The following PLCG2 variants were observed in gnomAD, a reference collection of about 807,000 sequenced individuals.
PLCG2 encodes 1-phosphatidylinositol 4,5-bisphosphate phosphodiesterase gamma-2.
In PLCG2, 69 loss-of-function variants were observed where a neutral mutation model predicts 175.6. The ratio of observed to expected loss-of-function variants is 0.39; its 90% CI spans 0.32 to 0.48. The LOEUF (loss-of-function observed/expected upper bound fraction) is 0.48, where lower values mean the gene tolerates loss of function less well. Among genes scored for constraint, PLCG2 ranks in the 20% least tolerant of loss-of-function variants. The pLI, the probability that PLCG2 is intolerant of heterozygous loss-of-function variation, is 0.91. For synonymous variants in PLCG2, 827 were observed against 624.0 expected, an observed-to-expected ratio of 1.33 and a Z score of -4.85; for missense variants, 1,798 against 1,650.9, an observed-to-expected ratio of 1.09 and a Z score of -1.54.
intron 2 of PLCG2, among the ~76,000 whole-genome samples, chr16:81,850,594 A>C (rs1359729807): frequency 6.6e-6 from 1 of 152,200 alleles, no homozygotes; most frequent in African/African-American, 2.4e-5. Flanking sequence ...CAGGCATAAG[A>C]GAAGCAGCAC....
At chr16:81,802,056 A>G (rs1307265192) in intron 2 of PLCG2, among the ~76,000 whole-genome samples, 1 of 148,550 alleles carries the variant, frequency 6.7e-6, no homozygotes, top group Non-Finnish European at 1.5e-5. Flanking sequence ...GTCTGGAATG[A>G]AAAAACTAGA....
intron 7 of PLCG2, among the ~76,000 whole-genome samples, chr16:81,878,874 C>G (rs1339262517): frequency 6.6e-6 from 1 of 152,144 alleles, no homozygotes; most frequent in Non-Finnish European, 1.5e-5. Context: ...TTTTCATTCT[C>G]TGTCCTGCTC....
intron 5 of PLCG2, among the ~76,000 whole-genome samples, chr16:81,859,569 C>G (rs1021673797): frequency 1.3e-5 from 2 of 151,424 alleles, no homozygotes; most frequent in Admixed American, 1.3e-4. Flanking sequence ...GAGTCTCGCT[C>G]TTTCGCCCAG....
At chr16:81,810,878 A>C (rs1904312518) in intron 2 of PLCG2, among the ~76,000 whole-genome samples, 1 of 152,138 alleles carries the variant, frequency 6.6e-6, no homozygotes, top group African/African-American at 2.4e-5. Flanking sequence ...AATTTTGTAC[A>C]TGACTATATT....
At position 81,906,671 on chromosome 16, in the gene PLCG2, G is replaced by A. The variant is rs146938396; in HGVS notation, c.1468-1014G>A. The stretch of plus-strand genomic sequence containing the variant: ...ACTCCTGATCTCAAGTGGTCTGCCC[G>A]CCTTGGCCTCCCGAAGTGCTAGGAT... On this transcript the variant is annotated intron_variant, in intron 15 of 32. Coordinates refer to ENST00000564138, the MANE Select transcript of PLCG2 (RefSeq NM_002661.5). 1.5e-3 allele frequency among the ~76,000 whole-genome samples: 232 copies of A among 152,264 alleles called. 1 individual carries two copies. Among genetic ancestry groups the A allele is most frequent in the East Asian group, 2.1e-3 (11 of 5,176 alleles).
At chr16:81,881,246 G>GTTT (rs34065286) in intron 8 of PLCG2, among the ~76,000 whole-genome samples, 1 of 150,104 alleles carries the variant, frequency 6.7e-6, no homozygotes, top group African/African-American at 2.4e-5. Flanking sequence ...CAGGTTAATA[G>GTTT]TTTTTTTTTT....
intron 31 of PLCG2, among the ~76,000 whole-genome samples, chr16:81,953,018 G>C (rs1911428779): frequency 6.6e-6 from 1 of 152,368 alleles, no homozygotes; most frequent in Middle Eastern, 3.4e-3. Flanking sequence ...GAGACGCTGA[G>C]AAGGGTACAT....
chr16:81,833,164 C>T (rs1026697420), intron 2 of PLCG2, among the ~76,000 whole-genome samples: 1 of 152,150 alleles, frequency 6.6e-6, no homozygotes, highest in Admixed American at 6.5e-5. Flanking sequence ...TGAGAAGAGC[C>T]CACAGCATGA....
In PLCG2 at chr16:81,910,734, G is replaced by T. The variant is rs2143658117; in HGVS notation, c.1934+14G>T. ...CGAGTCCAAGCCGTACGTGTCTGAGGGTGGAGCAGGAGGCAGGCGGTGGTC... is the reference window on the plus strand; with the variant it reads ...CGAGTCCAAGCCGTACGTGTCTGAGTGTGGAGCAGGAGGCAGGCGGTGGTC... On this transcript the variant is annotated intron_variant, in intron 18 of 32. Coordinates refer to ENST00000564138, the MANE Select transcript of PLCG2 (RefSeq NM_002661.5). The T allele has an allele frequency of 3.1e-6, 5 of 1,603,808 alleles. No homozygotes were observed. Among genetic ancestry groups the T allele is most frequent in the Middle Eastern group, 1.7e-4 (1 of 6,056 alleles).
At chr16:81,855,942 C>G (rs1906660514) in intron 3 of PLCG2, among the ~76,000 whole-genome samples, 1 of 152,168 alleles carries the variant, frequency 6.6e-6, no homozygotes, top group Non-Finnish European at 1.5e-5. Context: ...AAGCTTCACA[C>G]CTCTGTCTCC....
At chr16:81,748,548 G>A (rs1405057080) in intron 1 of PLCG2, among the ~76,000 whole-genome samples, 2 of 152,152 alleles carry the variant, frequency 1.3e-5, no homozygotes, top group Non-Finnish European at 2.9e-5. Context: ...CTGGTTTGGG[G>A]GAGGGGACAT....
chr16:81,870,980 C>A (rs1202182731), intron 7 of PLCG2, 45 bp downstream of exon 7: 1 of 1,061,030 alleles, frequency 9.4e-7, no homozygotes, highest in Non-Finnish European at 1.4e-6. Context: ...TTTCTGTTTT[C>A]CATGTATTTC....
intron 11 of PLCG2, 83 bp from the exon 12 acceptor site, chr16:81,893,626 C>A (rs768845038): frequency 3.9e-5 from 32 of 814,468 alleles, no homozygotes; most frequent in Middle Eastern, 2.5e-4. Context: ...GAGAAGTTCC[C>A]CCACAACACC....
chr16:81,891,135 C>T (rs1908611473), intron 10 of PLCG2, among the ~76,000 whole-genome samples: 1 of 152,046 alleles, frequency 6.6e-6, no homozygotes, highest in Admixed American at 6.5e-5. Flanking sequence ...TGCACTCCAG[C>T]CTGGGCAACA....
At chr16:81,912,843 C>T in intron 19 of PLCG2, 127 bp downstream of exon 19, 8 of 1,174,410 alleles carry the variant, frequency 6.8e-6, no homozygotes, top group African/African-American at 1.6e-5. Context: ...TCAGCGACAA[C>T]AACAACCACC....
In PLCG2 at chr16:81,959,099, G is replaced by A. The variant is rs116466123; in HGVS notation, c.*1101G>A. The A allele has an allele frequency of 4.0e-4, 89 of 223,670 alleles. No homozygotes were observed. Among genetic ancestry groups the A allele is most frequent in the African/African-American group, 1.9e-3 (86 of 44,904 alleles). The allele number at this position is 223,670 out of a possible 1,614,324, so 13.9% of individuals were successfully genotyped here. ...CAATAATGTAATATGGCTTTTTAAA[G>A]GAGAGGAGAGTGCTGGGTTGGGAAG... On this transcript the variant is annotated 3_prime_UTR_variant, in exon 33 of 33. Coordinates refer to ENST00000564138, the MANE Select transcript of PLCG2 (RefSeq NM_002661.5).
intron 17 of PLCG2, 37 bp from the exon 18 acceptor site, chr16:81,910,483 G>T: frequency 6.2e-7 from 1 of 1,600,132 alleles, no homozygotes. Flanking sequence ...GGCCTGGCCT[G>T]CGTTCTCCCA....
At chr16:81,915,336 T>G (rs903867470) in intron 19 of PLCG2, among the ~76,000 whole-genome samples, 1 of 152,186 alleles carries the variant, frequency 6.6e-6, no homozygotes, top group Non-Finnish European at 1.5e-5. Flanking sequence ...TCTGGATAGA[T>G]TTCCCCAGTA....
intron 31 of PLCG2, among the ~76,000 whole-genome samples, chr16:81,954,095 T>G (rs938837020): frequency 6.6e-6 from 1 of 152,176 alleles, no homozygotes; most frequent in Admixed American, 6.5e-5. Flanking sequence ...TGATCGTGGC[T>G]CACTGCAGCC....
Sources: gnomAD v4.1 joint callset for allele counts (sites outside exome capture counted in the v4.1 genomes callset) on GRCh38, gnomAD v4.1.1 for gene constraint, MANE v1.5 for transcripts, NCBI Gene and HGNC (gene_info 2026-07-23, HGNC 2026-07-21) for gene names.